EBF1: variants seen among roughly 807,000 people sequenced by gnomAD.
The protein encoded by EBF1 is EBF transcription factor 1, also known as transcription factor COE1.
A neutral mutation model predicts 68.4 loss-of-function variants in EBF1; 10 were observed. That is an observed-to-expected ratio of 0.15 (90% confidence interval 0.09 to 0.25). The LOEUF (loss-of-function observed/expected upper bound fraction) is 0.25. EBF1 is among the 10% of genes least tolerant of loss of function. The pLI is 1.00. For synonymous variants in EBF1, 298 were observed against 299.8 expected, an observed-to-expected ratio of 0.99 and a Z score of 0.06; for missense variants, 509 against 794.4, an observed-to-expected ratio of 0.64 and a Z score of 4.32.
In EBF1 at chr5:158,696,610, C is replaced by T. The variant is rs927455570; in HGVS notation, c.*2501G>A. 4.5e-6 allele frequency: 1 copy of T among 219,938 alleles called. No homozygotes were observed. The highest frequency in any genetic ancestry group is 9.1e-6 in the Non-Finnish European group (1 of 109,582). 13.6% of individuals were successfully genotyped at this position (219,938 alleles called of 1,614,324 possible). On this transcript the variant is annotated 3_prime_UTR_variant, in exon 16 of 16. Transcript: ENST00000313708. The stretch of plus-strand genomic sequence containing the variant: ...TTCTGAGTACCGAGAAGCAATGCGT[C>T]CACCTTGCTTACATTTTCCAGTTTT...
intron 6 of EBF1, among the ~76,000 whole-genome samples, chr5:158,877,774 T>C (rs1798076271): frequency 6.6e-6 from 1 of 152,064 alleles, no homozygotes; most frequent in Non-Finnish European, 1.5e-5. Context: ...ATGCTGACAG[T>C]ACTAAGTTTT....
At chr5:158,905,348 C>A (rs1025681062) in intron 6 of EBF1, among the ~76,000 whole-genome samples, 2 of 152,034 alleles carry the variant, frequency 1.3e-5, no homozygotes, top group Non-Finnish European at 2.9e-5. Context: ...GGAATATTGA[C>A]CATTATTGGG....
At chr5:158,742,574 C>A (rs865789138) in intron 10 of EBF1, among the ~76,000 whole-genome samples, 1 of 152,210 alleles carries the variant, frequency 6.6e-6, no homozygotes, top group South Asian at 2.1e-4. Context: ...ATTCCCCACT[C>A]TCAAGGAACT....
chr5:158,721,011 A>G (rs1297462511), intron 11 of EBF1, among the ~76,000 whole-genome samples: 3 of 152,208 alleles, frequency 2.0e-5, no homozygotes, highest in African/African-American at 7.2e-5. Flanking sequence ...AATTCAAACC[A>G]CAGTAAAAAT....
At chr5:158,858,817 C>T (rs143923191) in intron 6 of EBF1, among the ~76,000 whole-genome samples, 17 of 152,246 alleles carry the variant, frequency 1.1e-4, no homozygotes, top group African/African-American at 4.1e-4. Context: ...TTGGCTTGAA[C>T]AGATCTTTTG....
intron 6 of EBF1, among the ~76,000 whole-genome samples, chr5:158,938,763 C>G (rs1054642434): frequency 6.6e-6 from 1 of 152,188 alleles, no homozygotes; most frequent in Non-Finnish European, 1.5e-5. Context: ...CTAACTTTCT[C>G]TAAACCTAAT....
chr5:158,816,911 G>A (rs1002457687), intron 8 of EBF1, among the ~76,000 whole-genome samples: 14 of 152,204 alleles, frequency 9.2e-5, no homozygotes, highest in Non-Finnish European at 1.6e-4. Context: ...CAACTCCCTG[G>A]TGAGTTTCCA....
Position 159,099,333 on chromosome 5 carries a change from C to G in EBF1, c.134+12G>C. On this transcript the variant is annotated intron_variant, in intron 1 of 15. Transcript: ENST00000313708. ...CGGCTCACCTCGGCCGCGGTCCCCG[C>G]GCAGTACCCACCTCTGCGCCGCCGT... is the stretch of plus-strand genomic sequence containing the variant. The G allele has an allele frequency of 6.4e-7, 1 of 1,558,204 alleles. No individual in the cohort carries two copies. Among genetic ancestry groups the G allele is most frequent in the Non-Finnish European group, 8.7e-7 (1 of 1,155,748 alleles).
intron 8 of EBF1, among the ~76,000 whole-genome samples, chr5:158,799,959 A>G (rs945724412): frequency 6.6e-6 from 1 of 152,128 alleles, no homozygotes; most frequent in African/African-American, 2.4e-5. Context: ...GCTATTTTAC[A>G]TTTTAACCCT....
At chr5:158,830,869 G>C (rs73297971) in intron 7 of EBF1, among the ~76,000 whole-genome samples, 1 of 152,178 alleles carries the variant, frequency 6.6e-6, no homozygotes, top group African/African-American at 2.4e-5. Flanking sequence ...GAGTGGAACT[G>C]CTGGAGTAAA....
chr5:158,800,517 TAGC>T (rs769220949), intron 8 of EBF1, among the ~76,000 whole-genome samples: 2 of 152,240 alleles, frequency 1.3e-5, no homozygotes, highest in Non-Finnish European at 2.9e-5. Context: ...AAAAATTAAG[TAGC>T]AGCAGAACAT....
intron 6 of EBF1, among the ~76,000 whole-genome samples, chr5:158,947,482 G>A (rs1481196646): frequency 6.6e-6 from 1 of 152,176 alleles, no homozygotes; most frequent in Non-Finnish European, 1.5e-5. Context: ...AGGTGAGGCA[G>A]CGCCCCGTCC....
intron 1 of EBF1, among the ~76,000 whole-genome samples, chr5:159,098,462 G>C (rs1179692767): frequency 6.6e-6 from 1 of 151,980 alleles, no homozygotes; most frequent in Non-Finnish European, 1.5e-5. Context: ...AAGACAGAGA[G>C]GGAGGGAAGG....
intron 10 of EBF1, among the ~76,000 whole-genome samples, chr5:158,732,301 C>A (rs1764257362): frequency 6.6e-6 from 1 of 152,152 alleles, no homozygotes; most frequent in Non-Finnish European, 1.5e-5. Flanking sequence ...AAGTAAGATT[C>A]ATACTAGTAC....
At chr5:158,823,103 G>T (rs376072903) in intron 8 of EBF1, 73 bp downstream of exon 8, 33 of 1,586,982 alleles carry the variant, frequency 2.1e-5, no homozygotes, top group Middle Eastern at 3.3e-4. Context: ...AACATGTGGT[G>T]GAGTGGAAGA....
At chr5:158,822,619 C>T (rs779058668) in intron 8 of EBF1, among the ~76,000 whole-genome samples, 31 of 152,124 alleles carry the variant, frequency 2.0e-4, no homozygotes, top group Non-Finnish European at 4.0e-4. Flanking sequence ...AGGTACAGGG[C>T]ACAGGAGGGA....
At chr5:158,744,708 G>A (rs1241951020) in intron 10 of EBF1, among the ~76,000 whole-genome samples, 1 of 152,220 alleles carries the variant, frequency 6.6e-6, no homozygotes, top group Non-Finnish European at 1.5e-5. Context: ...ATACAAGAAA[G>A]CGTGGAGGAC....
In EBF1 at chr5:158,782,891, G is replaced by A. The variant is rs554887674; in HGVS notation, c.910-5352C>T. 9.9e-5 allele frequency among the ~76,000 whole-genome samples: 15 copies of A among 152,008 alleles called. No individual in the cohort carries two copies. The South Asian group carries it at 3.1e-3, about 32-fold the overall frequency. On this transcript the variant is annotated intron_variant, in intron 9 of 15. Transcript: ENST00000313708. ...GTTTTCTACCTAAGTTGCTTTTAAT[G>A]TTAGTTATCTGACTAGCTCGACACT...
In EBF1 at chr5:158,969,908, GAAAGAAAGA is replaced by G. The variant is rs1181562905; in HGVS notation, c.554+103479_554+103487del. Among the ~76,000 whole-genome samples, 282 of 104,702 alleles carry G rather than the reference GAAAGAAAGA, an allele frequency of 2.7e-3. 2 individuals carry two copies. The highest frequency in any genetic ancestry group is 7.2e-3 in the African/African-American group (195 of 26,974). The allele number at this position is 104,702 out of a possible 152,430, so 68.7% of individuals were successfully genotyped here. ...AGAAAGAAAGAAAGAAAGAAAGAAA[GAAAGAAAGA>G]AAAAAAAAAAAAAGGCTGCTGGAAG... On this transcript the variant is annotated intron_variant, in intron 6 of 15. Coordinates refer to ENST00000313708, the MANE Select transcript of EBF1 (RefSeq NM_024007.5).
Sources: gnomAD v4.1 joint callset for allele counts (sites outside exome capture counted in the v4.1 genomes callset) on GRCh38, gnomAD v4.1.1 for gene constraint, MANE v1.5 for transcripts, NCBI Gene and HGNC (gene_info 2026-07-23, HGNC 2026-07-21) for gene names.